RGS7: variants seen among roughly 807,000 people sequenced by gnomAD.
The protein encoded by RGS7 is regulator of G-protein signaling 7.
Under a neutral mutation model 81.1 loss-of-function variants are expected in RGS7, and 27 were observed. The observed-to-expected ratio is 0.33, with a 90% CI of 0.25 to 0.46. The LOEUF (loss-of-function observed/expected upper bound fraction) is 0.46. Ranked by LOEUF, RGS7 falls within the 20% of genes least tolerant of loss-of-function variation. The probability of loss-of-function intolerance (pLI) is 1.00; values close to 1 mark genes in which losing one functional copy is unlikely to be tolerated. For missense variants in RGS7, 396 were observed against 607.4 expected (o/e 0.65, Z 3.66); for synonymous variants, 208 against 207.7 (o/e 1.00, Z -0.01).
At chr1:241,217,710 G>A (rs2074654088) in intron 2 of RGS7, among the ~76,000 whole-genome samples, 1 of 152,188 alleles carries the variant, frequency 6.6e-6, no homozygotes, top group Non-Finnish European at 1.5e-5. Flanking sequence ...CACACGGTTG[G>A]CACCAATTAC....
intron 2 of RGS7, among the ~76,000 whole-genome samples, chr1:241,185,059 C>T (rs1379035380): frequency 6.6e-6 from 1 of 152,100 alleles, no homozygotes; most frequent in Non-Finnish European, 1.5e-5. Context: ...AAAGTTTATT[C>T]TTGTACATTC....
chr1:241,198,620 C>T (rs2073257810), intron 2 of RGS7, among the ~76,000 whole-genome samples: 1 of 138,930 alleles, frequency 7.2e-6, no homozygotes, highest in Non-Finnish European at 1.5e-5. Context: ...ACTAAACTGA[C>T]ACAAGAAAAC....
intron 3 of RGS7, among the ~76,000 whole-genome samples, chr1:241,027,912 C>G (rs1345565547): frequency 6.6e-6 from 1 of 152,176 alleles, no homozygotes; most frequent in Non-Finnish European, 1.5e-5. Context: ...CAGGATTATA[C>G]TACCTGTGAC....
intron 2 of RGS7, among the ~76,000 whole-genome samples, chr1:241,177,808 T>C (rs1303436691): frequency 2.0e-5 from 3 of 152,160 alleles, no homozygotes; most frequent in African/African-American, 7.2e-5. Context: ...TTAAAGATAA[T>C]TACTAGGTCT....
intron 3 of RGS7, among the ~76,000 whole-genome samples, chr1:241,034,122 T>C (rs76216212): frequency 0.019 from 2,924 of 152,260 alleles, 86 homozygotes; most frequent in African/African-American, 0.066. Context: ...AAATGCATAA[T>C]GACACTTCTA....
At chr1:240,872,714 G>T (rs1664706296) in intron 6 of RGS7, among the ~76,000 whole-genome samples, 1 of 152,184 alleles carries the variant, frequency 6.6e-6, no homozygotes, top group Non-Finnish European at 1.5e-5. Flanking sequence ...GTAGATCAAA[G>T]ATGATTCCAA....
At position 241,323,476 on chromosome 1, in the gene RGS7, C is replaced by A. The variant is rs118146474; in HGVS notation, c.78+32223G>T. Among the ~76,000 whole-genome samples, 168 of 152,328 alleles carry A rather than the reference C, an allele frequency of 1.1e-3. 5 individuals are homozygous for A. The East Asian group carries it at 0.031, about 28-fold the overall frequency. ...AGTAAATCTTCAGTCAGAATCAGCC[C>A]ATGCACACACAAGCCAGTGGCAAAC... On this transcript the variant is annotated intron_variant, in intron 2 of 18. Coordinates refer to ENST00000440928, the MANE Select transcript of RGS7 (RefSeq NM_001364886.1).
intron 3 of RGS7, among the ~76,000 whole-genome samples, chr1:241,084,903 C>T (rs2063343031): frequency 6.6e-6 from 1 of 152,244 alleles, no homozygotes; most frequent in Non-Finnish European, 1.5e-5. Context: ...GGAGTGAATA[C>T]CTGCCTTTTT....
chr1:241,234,457 C>A (rs146273556), intron 2 of RGS7, among the ~76,000 whole-genome samples: 116 of 152,204 alleles, frequency 7.6e-4, no homozygotes, highest in African/African-American at 2.6e-3. Flanking sequence ...ACAGCCAATG[C>A]ATATCTTGTT....
Position 240,816,302 on chromosome 1 carries a change from C to A in RGS7, c.783+15G>T. ...TCTGTAAACCTTTAACAGGTCATCT[C>A]ATAGGTTGACTCACCTGTTGTTGTA... is the stretch of plus-strand genomic sequence containing the variant. On this transcript the variant is annotated intron_variant, in intron 11 of 18. Transcript: ENST00000440928. The A allele has an allele frequency of 6.5e-7, 1 of 1,543,896 alleles. No individual in the cohort carries two copies.
In RGS7 at chr1:241,313,594, A is replaced by G. The variant is rs145797119; in HGVS notation, c.78+42105T>C. On this transcript the variant is annotated intron_variant, in intron 2 of 18. Transcript: ENST00000440928. ...CATGCTAACACAACATCTATTCTGC[A>G]GCCCATGGATCGAGGAGTAGTTTCT... Among the ~76,000 whole-genome samples, 479 of 152,372 alleles carry G rather than the reference A, an allele frequency of 3.1e-3. 12 individuals carry two copies. The South Asian group carries it at 0.052, about 17-fold the overall frequency.
chr1:241,232,560 A>G (rs1240016247), intron 2 of RGS7, among the ~76,000 whole-genome samples: 1 of 152,034 alleles, frequency 6.6e-6, no homozygotes, highest in Non-Finnish European at 1.5e-5. Flanking sequence ...GCTGGTCATA[A>G]ATTTTGAAAT....
intron 18 of RGS7, among the ~76,000 whole-genome samples, chr1:240,787,182 A>T (rs563037308): frequency 1.7e-4 from 26 of 152,194 alleles, no homozygotes; most frequent in African/African-American, 6.0e-4. Flanking sequence ...ATTAATAACA[A>T]TAGGTTTTCT....
chr1:241,299,889 T>C (rs1379413038), intron 2 of RGS7, among the ~76,000 whole-genome samples: 1 of 132,172 alleles, frequency 7.6e-6, no homozygotes, highest in East Asian at 2.2e-4. Context: ...GTGGGAAGAC[T>C]GCTTGAGTCC....
intron 2 of RGS7, among the ~76,000 whole-genome samples, chr1:241,292,091 C>T (rs182024678): frequency 4.6e-4 from 70 of 152,254 alleles, no homozygotes; most frequent in Non-Finnish European, 1.8e-4. Flanking sequence ...TCTTGTCCTA[C>T]TGGAAGGTCT....
intron 4 of RGS7, among the ~76,000 whole-genome samples, chr1:240,947,479 T>C (rs558485802): frequency 6.6e-6 from 1 of 152,276 alleles, no homozygotes; most frequent in African/African-American, 2.4e-5. Flanking sequence ...GTGACTTTCA[T>C]TCCACTGCTC....
At chr1:240,856,925 A>G (rs1661236945) in intron 9 of RGS7, among the ~76,000 whole-genome samples, 1 of 152,190 alleles carries the variant, frequency 6.6e-6, no homozygotes, top group Non-Finnish European at 1.5e-5. Context: ...AATCTACCAA[A>G]TAAGACAAAC....
chr1:240,919,359 G>T (rs1478055698), intron 6 of RGS7, among the ~76,000 whole-genome samples: 1 of 151,972 alleles, frequency 6.6e-6, no homozygotes, highest in Non-Finnish European at 1.5e-5. Flanking sequence ...ATCCAACAAT[G>T]TATAAAATAT....
At chr1:241,021,784 G>C (rs776357980) in intron 3 of RGS7, among the ~76,000 whole-genome samples, 5 of 152,128 alleles carry the variant, frequency 3.3e-5, no homozygotes, top group Non-Finnish European at 5.9e-5. Context: ...TATTTACTTA[G>C]TTTACTCAGT....
Sources: allele counts gnomAD v4.1 joint callset (sites outside exome capture counted in the v4.1 genomes callset), GRCh38; gene constraint gnomAD v4.1.1; transcripts MANE v1.5; gene names NCBI Gene and HGNC (gene_info 2026-07-23, HGNC 2026-07-21).